NMT2: variants seen among roughly 807,000 people sequenced by gnomAD.
NMT2 encodes the protein N-myristoyltransferase 2.
NMT2 carries 35 observed loss-of-function variants against 65.4 expected under a neutral mutation model. The observed-to-expected ratio is 0.54, with a 90% CI of 0.41 to 0.71. The LOEUF is 0.71. NMT2 is among the 30% of genes least tolerant of loss of function. The pLI is 0.00. For synonymous variants in NMT2, 226 were observed against 231.8 expected (o/e 0.98, Z 0.23); for missense variants, 489 against 611.3 (o/e 0.80, Z 2.11).
At position 15,108,184 on chromosome 10, in the gene NMT2, CTT is replaced by C; in HGVS notation, c.*1009_*1010del. ...GTCTAGTTAGTCGCGGGTACAGGCT[CTT>C]TCTTTTTTTTTTTTTTTGAGACGGA... On this transcript the variant is annotated 3_prime_UTR_variant, in exon 12 of 12. Coordinates refer to ENST00000378165, the MANE Select transcript of NMT2 (RefSeq NM_004808.3). 1.0e-6 allele frequency: 1 copy of C among 974,102 alleles called. No individual in the cohort carries two copies. The highest frequency in any genetic ancestry group is 2.0e-5 in the African/African-American group (1 of 50,456). 60.3% of individuals were successfully genotyped at this position (974,102 alleles called of 1,614,324 possible). A position where few individuals can be genotyped will look rare whatever the true frequency, so the allele number is the denominator to read the frequency against.
At chr10:15,138,547 T>C in intron 2 of NMT2, 2 of 457,236 alleles carry the variant, frequency 4.4e-6, no homozygotes, top group Non-Finnish European at 9.2e-6. Context: ...CTCTTTTTCT[T>C]CCACACATGC....
At chr10:15,168,449 G>A (rs1833451376) in intron 1 of NMT2, 54 bp downstream of exon 1, 1 of 1,360,294 alleles carries the variant, frequency 7.4e-7, no homozygotes, top group Non-Finnish European at 1.0e-6. Context: ...GGGAGACCGT[G>A]GCGCGCGCGG....
rs546865379 is a variant in NMT2, at chr10:15,168,663, C to T, written c.-51G>A. On this transcript the variant is annotated 5_prime_UTR_variant, in exon 1 of 12. Coordinates refer to ENST00000378165, the MANE Select transcript of NMT2 (RefSeq NM_004808.3). Reference sequence around the variant, plus strand: ...GTGCTCGGGGCCGGGCCGGAGCGGCCGCAGCTCCCTCTAGTGCCTCCCGCC... The same window carrying T: ...GTGCTCGGGGCCGGGCCGGAGCGGCTGCAGCTCCCTCTAGTGCCTCCCGCC... The T allele has an allele frequency of 3.6e-5, 51 of 1,427,916 alleles. No individual in the cohort carries two copies. The highest frequency in any genetic ancestry group is 3.6e-4 in the Middle Eastern group (2 of 5,586). The allele number at this position is 1,427,916 out of a possible 1,614,324, so 88.5% of individuals were successfully genotyped here. A position where few individuals can be genotyped will look rare whatever the true frequency, so the allele number is the denominator to read the frequency against.
Position 15,168,606 on chromosome 10 carries a change from C to G in NMT2, c.7G>C (p.Glu3Gln). 1 of 1,579,390 alleles carries G rather than the reference C, an allele frequency of 6.3e-7. No homozygotes were observed. Among genetic ancestry groups the G allele is most frequent in the Non-Finnish European group, 8.6e-7 (1 of 1,168,596 alleles). Residue 3 changes from glutamate to glutamine, a missense_variant, in exon 1 of 12, where the codon GAG (glutamate) becomes CAG (glutamine). Physicochemically the swap from Glu to Gln is conservative, Grantham distance 29. Coordinates refer to ENST00000378165, the MANE Select transcript of NMT2 (RefSeq NM_004808.3). ...TGGCTGGCCGCAGACTCGCTGTCCT[C>G]CGCCATCGCGGCGGCGCTGGCTGGG... is the stretch of plus-strand genomic sequence containing the variant. MA[E>Q]DSESAASQQS...
chr10:15,111,826 T>G (rs1054101278), intron 10 of NMT2: 1 of 151,692 alleles, frequency 6.6e-6, no homozygotes, highest in African/African-American at 2.4e-5. Flanking sequence ...ATTAATTAAT[T>G]AATTTGAGAC....
chr10:15,112,807 G>A lies in NMT2; in HGVS notation c.1327C>T (p.Leu443=), dbSNP rs75252972. 1.9e-6 allele frequency: 3 copies of A among 1,612,430 alleles called. No individual in the cohort carries two copies. The highest frequency in any genetic ancestry group is 2.2e-5 in the South Asian group (2 of 90,868). Residue 443 remains leucine, a synonymous_variant, in exon 10 of 12, where the codon CTG becomes TTG. Transcript: ENST00000378165. ...AAGGAGTGGCTTACCGATTTAGCCAGGATGAGCGCGTCGCTCATGAGGTCC... is the reference window on the plus strand; with the variant it reads ...AAGGAGTGGCTTACCGATTTAGCCAAGATGAGCGCGTCGCTCATGAGGTCC... ...LLDLMSDALI[L]AKSKGFDVFN...
In NMT2 at chr10:15,141,539, C is replaced by A. The variant is rs1846764640; in HGVS notation, c.129G>T (p.Leu43Phe). 8.1e-6 allele frequency: 13 copies of A among 1,612,878 alleles called. No individual in the cohort carries two copies. The highest frequency in any genetic ancestry group is 1.0e-5 in the Non-Finnish European group (12 of 1,179,552). ...GTTTCTTCTTTTTCTTTTTGGCTCC[C>A]AAATACCCTCCAGGACTTCTGCAGG... is the stretch of plus-strand genomic sequence containing the variant. The part of the protein sequence containing the change: ...EHAKGSPGGY[L>F]GAKKKKKKQK... The change falls in exon 2 of 12, where the codon TTG (leucine) becomes TTT (phenylalanine). Residue 43 changes from leucine (L) to phenylalanine (F), a missense_variant. Coordinates refer to ENST00000378165, the MANE Select transcript of NMT2 (RefSeq NM_004808.3).
At chr10:15,115,349 T>A (rs1845708515) in intron 9 of NMT2, among the ~76,000 whole-genome samples, 1 of 152,134 alleles carries the variant, frequency 6.6e-6, no homozygotes, top group Admixed American at 6.5e-5. Flanking sequence ...GTGACCTAAA[T>A]AAAAGTAAGG....
intron 8 of NMT2, among the ~76,000 whole-genome samples, chr10:15,127,605 T>TA (rs199819490): frequency 0.016 from 1,744 of 109,602 alleles, 21 homozygotes; most frequent in Non-Finnish European, 0.027. Context: ...TAAAATAAAA[T>TA]AAATAAATAA....
At chr10:15,161,106 A>AAAAAC (rs1287755279) in intron 1 of NMT2, among the ~76,000 whole-genome samples, 3 of 150,148 alleles carry the variant, frequency 2.0e-5, no homozygotes, top group Non-Finnish European at 4.4e-5. Flanking sequence ...AAAAAAAAAA[A>AAAAAC]AAAACACAAA....
chr10:15,141,299 G>T, intron 2 of NMT2, 123 bp downstream of exon 2: 1 of 1,245,974 alleles, frequency 8.0e-7, no homozygotes. Context: ...CCAGTTACTA[G>T]TGGCATTCAA....
intron 7 of NMT2, among the ~76,000 whole-genome samples, chr10:15,129,865 G>A (rs548394880): frequency 6.9e-4 from 95 of 136,868 alleles, no homozygotes; most frequent in African/African-American, 2.1e-3. Flanking sequence ...CCAATATCAC[G>A]CCACTGCATT....
chr10:15,129,994 T>G, intron 7 of NMT2, 148 bp downstream of exon 7: 17 of 552,558 alleles, frequency 3.1e-5, no homozygotes, highest in South Asian at 6.4e-5. Flanking sequence ...AAGTGGCAAA[T>G]GATATACCAG....
At chr10:15,151,504 AAGT>A (rs1249766384) in intron 1 of NMT2, among the ~76,000 whole-genome samples, 1 of 152,240 alleles carries the variant, frequency 6.6e-6, no homozygotes, top group Non-Finnish European at 1.5e-5. Flanking sequence ...TTAGTTTGTG[AAGT>A]AAGACCTGGC....
At chr10:15,132,664 G>A (rs1170191530) in intron 6 of NMT2, among the ~76,000 whole-genome samples, 153 bp downstream of exon 6, 3 of 152,162 alleles carry the variant, frequency 2.0e-5, no homozygotes, top group Admixed American at 6.5e-5. Context: ...CTGAGCTCAG[G>A]TGATCTATCT....
At chr10:15,153,091 TAG>T (rs1195136539) in intron 1 of NMT2, among the ~76,000 whole-genome samples, 1 of 151,834 alleles carries the variant, frequency 6.6e-6, no homozygotes, top group Non-Finnish European at 1.5e-5. Flanking sequence ...TCTCTATATA[TAG>T]AGAGAGGAGT....
At chr10:15,145,122 G>A (rs780054141) in intron 1 of NMT2, among the ~76,000 whole-genome samples, 10 of 152,136 alleles carry the variant, frequency 6.6e-5, no homozygotes, top group East Asian at 1.9e-4. Context: ...TCTTGAAAAC[G>A]CTACACTAAG....
At chr10:15,121,363 G>C (rs73604528) in intron 8 of NMT2, among the ~76,000 whole-genome samples, 2,169 of 152,246 alleles carry the variant, frequency 0.014, 54 homozygotes, top group African/African-American at 0.05. Flanking sequence ...GAAGCCCAAG[G>C]GGGAAAACAG....
intron 8 of NMT2, among the ~76,000 whole-genome samples, chr10:15,127,119 C>G (rs1014551431): frequency 6.6e-6 from 1 of 151,870 alleles, no homozygotes; most frequent in African/African-American, 2.4e-5. Context: ...CCTGTAATTC[C>G]AGCTATTTGG....
Sources: gnomAD v4.1 joint callset for allele counts (sites outside exome capture counted in the v4.1 genomes callset) on GRCh38, gnomAD v4.1.1 for gene constraint, MANE v1.5 for transcripts, NCBI Gene and HGNC (gene_info 2026-07-23, HGNC 2026-07-21) for gene names.